Variants in BMP2K observed in about 807,000 individuals in gnomAD.
The protein encoded by BMP2K is BMP2 inducible kinase.
In BMP2K, 74 loss-of-function variants were observed where a neutral mutation model predicts 116.0. That is an observed-to-expected ratio of 0.64 (90% CI 0.53 to 0.77). The LOEUF is 0.77. Among genes scored for constraint, BMP2K ranks in the 30% least tolerant of loss-of-function variants. BMP2K has a pLI of 0.00. For missense variants in BMP2K, 1,365 were observed against 1,403.6 expected (o/e 0.97, Z 0.44); for synonymous variants, 486 against 502.5 (o/e 0.97, Z 0.44).
chr4:78,902,600 A>G (rs1734066606), intron 15 of BMP2K, among the ~76,000 whole-genome samples: 1 of 152,152 alleles, frequency 6.6e-6, no homozygotes, highest in African/African-American at 2.4e-5. Context: ...AAGGCATGTA[A>G]TTACAATAGA....
chr4:78,908,782 A>G (rs1475203775), intron 15 of BMP2K, among the ~76,000 whole-genome samples: 1 of 152,194 alleles, frequency 6.6e-6, no homozygotes, highest in East Asian at 1.9e-4. Flanking sequence ...GTGTGGGTAC[A>G]TAGTAGGTAT....
intron 3 of BMP2K, among the ~76,000 whole-genome samples, chr4:78,840,680 G>A (rs1406498342): frequency 4.0e-5 from 6 of 151,830 alleles, no homozygotes; most frequent in Non-Finnish European, 7.4e-5. Context: ...TGAGTTTTGA[G>A]TAATGAAATT....
intron 14 of BMP2K, chr4:78,880,072 GTTTGTTT>G (rs1732823530): frequency 6.6e-6 from 1 of 151,952 alleles, no homozygotes; most frequent in Admixed American, 6.6e-5. Context: ...TTTTTTGTTT[GTTTGTTT>G]TTTGTTTTTT....
chr4:78,867,814 C>T (rs920361623), intron 10 of BMP2K, among the ~76,000 whole-genome samples: 1 of 152,198 alleles, frequency 6.6e-6, no homozygotes, highest in Non-Finnish European at 1.5e-5. Context: ...AATCCCAACA[C>T]TTTGAGAGGC....
At chr4:78,818,071 C>A (rs1407764389) in intron 1 of BMP2K, among the ~76,000 whole-genome samples, 2 of 151,842 alleles carry the variant, frequency 1.3e-5, no homozygotes, top group African/African-American at 2.4e-5. Flanking sequence ...AATTGCTGTT[C>A]CATTAGGCAA....
At chr4:78,831,527 A>G (rs1730202540) in intron 2 of BMP2K, among the ~76,000 whole-genome samples, 1 of 152,236 alleles carries the variant, frequency 6.6e-6, no homozygotes, top group African/African-American at 2.4e-5. Context: ...ATCCAAAAAA[A>G]TCCTACTGTC....
intron 1 of BMP2K, among the ~76,000 whole-genome samples, chr4:78,802,280 G>A (rs544460488): frequency 1.3e-5 from 2 of 152,290 alleles, no homozygotes; most frequent in Admixed American, 1.3e-4. Flanking sequence ...GCCTTTGGCT[G>A]TCATCCAGTT....
intron 1 of BMP2K, among the ~76,000 whole-genome samples, chr4:78,797,312 A>T (rs184414389): frequency 1.1e-4 from 16 of 152,292 alleles, no homozygotes; most frequent in Admixed American, 9.8e-4. Flanking sequence ...AAAGGAAAAA[A>T]ACTTACCCCA....
rs745885307 is a variant in BMP2K, at chr4:78,781,399, G to A, written c.178+4678G>A. Among the ~76,000 whole-genome samples, 5 of 151,918 alleles carry A rather than the reference G, an allele frequency of 3.3e-5. No individual in the cohort carries two copies. The South Asian group carries it at 6.2e-4, about 19-fold the overall frequency. On this transcript the variant is annotated intron_variant, in intron 1 of 15. Coordinates refer to ENST00000502613, the MANE Select transcript of BMP2K (RefSeq NM_198892.2). ...TATGTATCTCTCAGGTGAAAGTACC[G>A]TTTGGGAACATAAGGAAGGAACAGA...
At chr4:78,866,090 T>G (rs10049916) in intron 10 of BMP2K, among the ~76,000 whole-genome samples, 15,355 of 152,200 alleles carry the variant, frequency 0.1, 2,522 homozygotes, top group African/African-American at 0.35. Flanking sequence ...CTTACAAAGT[T>G]TATGTCTTTG....
intron 15 of BMP2K, among the ~76,000 whole-genome samples, chr4:78,900,430 G>T (rs1297565049): frequency 6.6e-6 from 1 of 152,158 alleles, no homozygotes; most frequent in Non-Finnish European, 1.5e-5. Context: ...GAAAGTGAAG[G>T]AAGGAGAAGG....
chr4:78,781,424 A>ATTT lies in BMP2K; in HGVS notation c.178+4718_178+4720dup, dbSNP rs139447702. Among the ~76,000 whole-genome samples the ATTT allele has an allele frequency of 2.7e-3, 377 of 140,316 alleles. 1 individual carries two copies. The highest frequency in any genetic ancestry group is 4.6e-3 in the Non-Finnish European group (292 of 63,940). The allele number at this position is 140,316 out of a possible 152,430, so 92.1% of individuals were successfully genotyped here. ...GTTTGGGAACATAAGGAAGGAACAG[A>ATTT]TTTTTTTTTTTTTTTTTGAGGTGTT... On this transcript the variant is annotated intron_variant, in intron 1 of 15. Coordinates refer to ENST00000502613, the MANE Select transcript of BMP2K (RefSeq NM_198892.2).
chr4:78,911,194 C>T lies in BMP2K; in HGVS notation c.2647C>T (p.His883Tyr). Residue 883 changes from histidine to tyrosine, a missense_variant, in exon 16 of 16, where the codon CAC (histidine) becomes TAC (tyrosine). Transcript: ENST00000502613. Reference protein sequence around the residue: ...QEKNEKNLPQHRFPAAGLEQE... With the variant: ...QEKNEKNLPQYRFPAAGLEQE... ...AAAGAATGAAAAGAACCTCCCTCAA[C>T]ACAGGTTTCCTGCTGCAGGACTGGA... 6.2e-7 allele frequency: 1 copy of T among 1,613,808 alleles called. No homozygotes were observed. The highest frequency in any genetic ancestry group is 1.3e-5 in the African/African-American group (1 of 75,028).
At chr4:78,887,664 T>C (rs1392191469) in intron 15 of BMP2K, among the ~76,000 whole-genome samples, 1 of 152,220 alleles carries the variant, frequency 6.6e-6, no homozygotes, top group African/African-American at 2.4e-5. Flanking sequence ...ATTTTGTATT[T>C]GTCACAATCA....
chr4:78,813,920 C>G (rs778403875), intron 1 of BMP2K, among the ~76,000 whole-genome samples: 4 of 152,152 alleles, frequency 2.6e-5, no homozygotes, highest in Non-Finnish European at 5.9e-5. Context: ...TGTAGTTAGT[C>G]TTGTTCATAG....
chr4:78,869,861 G>A (rs1482729777), intron 10 of BMP2K, among the ~76,000 whole-genome samples: 1 of 152,042 alleles, frequency 6.6e-6, no homozygotes, highest in Non-Finnish European at 1.5e-5. Context: ...AGAAAAGTTA[G>A]AAATAGTTAT....
At chr4:78,855,488 G>A (rs1471530758) in intron 7 of BMP2K, among the ~76,000 whole-genome samples, 1 of 152,112 alleles carries the variant, frequency 6.6e-6, no homozygotes, top group Non-Finnish European at 1.5e-5. Context: ...GCCCAGGCAT[G>A]GATCCTTCGT....
At position 78,776,585 on chromosome 4, in the gene BMP2K, C is replaced by T; in HGVS notation, c.42C>T (p.Ser14=). 1 of 1,154,220 alleles carries T rather than the reference C, an allele frequency of 8.7e-7. No individual in the cohort carries two copies. Among genetic ancestry groups the T allele is most frequent in the Non-Finnish European group, 1.1e-6 (1 of 934,210 alleles). 71.5% of individuals were successfully genotyped at this position (1,154,220 alleles called of 1,614,324 possible). ...GGATGCCCAAGTCGGAGGGCGGCAG[C>T]GGCGGCGGAGCGGCGGGTGGCGGGG... ...FSRMPKSEGG[S]GGGAAGGGAG... is the part of the protein sequence containing the mutation. The change falls in exon 1 of 16, where the codon AGC becomes AGT. Residue 14 remains serine (S), a synonymous_variant. Transcript: ENST00000502613.
chr4:78,898,082 G>T (rs1258430719), intron 15 of BMP2K, among the ~76,000 whole-genome samples: 1 of 152,186 alleles, frequency 6.6e-6, no homozygotes, highest in Non-Finnish European at 1.5e-5. Flanking sequence ...TTACAGGAAT[G>T]AAGAGGGCAT....
Sources: allele counts gnomAD v4.1 joint callset (sites outside exome capture counted in the v4.1 genomes callset), GRCh38; gene constraint gnomAD v4.1.1; transcripts MANE v1.5; gene names NCBI Gene and HGNC (gene_info 2026-07-23, HGNC 2026-07-21).